Variants in ANO3 observed in about 807,000 individuals in gnomAD.
ANO3 encodes the protein anoctamin 3.
ANO3 carries 99 observed loss-of-function variants against 144.8 expected under a neutral mutation model. The observed-to-expected ratio is 0.68, with a 90% CI of 0.58 to 0.81. The LOEUF is 0.81. Among genes scored for constraint, ANO3 ranks in the 30% least tolerant of loss-of-function variants. The probability of loss-of-function intolerance (pLI) is 0.00; values close to 1 mark genes in which losing one functional copy is unlikely to be tolerated. For synonymous variants in ANO3, 414 were observed against 392.6 expected (o/e 1.05, Z -0.64); for missense variants, 905 against 1,202.2 (o/e 0.75, Z 3.66).
intron 1 of ANO3, among the ~76,000 whole-genome samples, chr11:26,267,462 A>G (rs974042130): frequency 1.1e-4 from 16 of 152,218 alleles, no homozygotes; most frequent in African/African-American, 3.6e-4. Context: ...ATAATAAGGA[A>G]AATACATTTT....
chr11:26,526,630 T>A (rs1297742369), intron 7 of ANO3, among the ~76,000 whole-genome samples: 2 of 152,100 alleles, frequency 1.3e-5, no homozygotes, highest in Non-Finnish European at 2.9e-5. Flanking sequence ...AATGGGAAAA[T>A]GTCCATCTGT....
intron 6 of ANO3, 54 bp from the exon 7 acceptor site, chr11:26,525,581 G>C: frequency 7.1e-7 from 1 of 1,407,504 alleles, no homozygotes; most frequent in Non-Finnish European, 1.0e-6. Context: ...TCACTCACTC[G>C]TATCACTTTA....
Position 26,245,266 on chromosome 11 carries a change from A to G in ANO3, c.154+55936A>G, listed in dbSNP as rs1852764686. ...GTCAGAATTTGAAAGTGATGTCCAC[A>G]TTCTTCTTTGCAAAGGCATTCTTCC... On this transcript the variant is annotated intron_variant, in intron 1 of 27. Coordinates refer to the ANO3 transcript ENST00000672621. Among the ~76,000 whole-genome samples the G allele has an allele frequency of 2.0e-5, 3 of 152,314 alleles. No homozygotes were observed. The South Asian group carries it at 6.2e-4, about 32-fold the overall frequency.
intron 1 of ANO3, among the ~76,000 whole-genome samples, chr11:26,249,089 C>T (rs777901227): frequency 1.3e-5 from 2 of 152,072 alleles, no homozygotes; most frequent in Admixed American, 6.5e-5. Flanking sequence ...GTAACTATAA[C>T]AAGCAAAGAC....
chr11:26,408,627 A>G (rs942190951), intron 1 of ANO3, among the ~76,000 whole-genome samples: 2 of 149,166 alleles, frequency 1.3e-5, no homozygotes, highest in South Asian at 2.2e-4. Flanking sequence ...ATTACTGGGT[A>G]TATGCCCAAA....
At chr11:26,525,464 A>G (rs965755147) in intron 6 of ANO3, among the ~76,000 whole-genome samples, 171 bp from the exon 7 acceptor site, 1 of 152,058 alleles carries the variant, frequency 6.6e-6, no homozygotes, top group African/African-American at 2.4e-5. Flanking sequence ...AATTAAAACA[A>G]TGTAAGGTTG....
chr11:26,401,770 A>C (rs1470595263), intron 1 of ANO3, among the ~76,000 whole-genome samples: 1 of 151,974 alleles, frequency 6.6e-6, no homozygotes, highest in Non-Finnish European at 1.5e-5. Flanking sequence ...CCAGCCACTT[A>C]GGTGGCTGAG....
intron 1 of ANO3, among the ~76,000 whole-genome samples, chr11:26,416,794 G>C (rs912019386): frequency 6.6e-6 from 1 of 151,970 alleles, no homozygotes; most frequent in African/African-American, 2.4e-5. Context: ...AGCAAATCTA[G>C]TGGCCTCCTA....
intron 1 of ANO3, among the ~76,000 whole-genome samples, chr11:26,314,031 C>T (rs967998748): frequency 6.6e-6 from 1 of 151,716 alleles, no homozygotes; most frequent in South Asian, 2.1e-4. Flanking sequence ...CATGTTTGTC[C>T]CTAGAGAGGA....
intron 1 of ANO3, among the ~76,000 whole-genome samples, chr11:26,385,589 C>A (rs938874643): frequency 6.6e-6 from 1 of 152,042 alleles, no homozygotes; most frequent in Non-Finnish European, 1.5e-5. Context: ...AATGTCTAAC[C>A]TCTGCTTCCA....
intron 1 of ANO3, among the ~76,000 whole-genome samples, chr11:26,239,336 C>G (rs540862913): frequency 7.2e-5 from 11 of 152,196 alleles, no homozygotes; most frequent in African/African-American, 1.9e-4. Flanking sequence ...GAGAAAGAAG[C>G]AGGCCTAATT....
intron 8 of ANO3, among the ~76,000 whole-genome samples, chr11:26,532,809 C>A (rs897475764): frequency 6.6e-6 from 1 of 151,960 alleles, no homozygotes; most frequent in African/African-American, 2.4e-5. Context: ...ACCTAAAGTG[C>A]CCTTGTCCCA....
intron 14 of ANO3, among the ~76,000 whole-genome samples, chr11:26,571,030 C>T (rs1472889732): frequency 6.6e-6 from 1 of 151,960 alleles, no homozygotes; most frequent in East Asian, 1.9e-4. Context: ...AAACAAATTT[C>T]AGAAGTTTGA....
Position 26,235,767 on chromosome 11 carries a change from G to C in ANO3, c.154+46437G>C, listed in dbSNP as rs79682209. Among the ~76,000 whole-genome samples the C allele has an allele frequency of 3.2e-3, 469 of 147,120 alleles. 6 individuals carry two copies. The highest frequency in any genetic ancestry group is 9.8e-3 in the African/African-American group (402 of 41,084). Reference sequence around the variant, plus strand: ...TTGTTTCTATTTTAGACCATTTTGTGTCGTCCCCCCACAACTACCACTCCT... The same window carrying C: ...TTGTTTCTATTTTAGACCATTTTGTCTCGTCCCCCCACAACTACCACTCCT... On this transcript the variant is annotated intron_variant, in intron 1 of 27. Coordinates refer to the ANO3 transcript ENST00000672621.
chr11:26,553,241 TTC>T lies in ANO3; in HGVS notation c.1290-5_1290-4del, dbSNP rs202169392. ...TTTGTTTTGTTTTTGTTTTTGTTTT[TTC>T]TCAAGCCAAGAAATTTGTAAAGCCA... On this transcript the variant is annotated splice_polypyrimidine_tract_variant and splice_region_variant and intron_variant, in intron 12 of 26. Transcript: ENST00000256737. 56,430 of 1,548,830 alleles carry T rather than the reference TTC, an allele frequency of 0.036. 2,171 individuals carry two copies. Among genetic ancestry groups the T allele is most frequent in the Non-Finnish European group, 0.044 (49,193 of 1,128,538 alleles).
chr11:26,634,195 TC>T lies in ANO3; in HGVS notation c.1874-7del, dbSNP rs746191473. 6.3e-7 allele frequency: 1 copy of T among 1,598,360 alleles called. No individual in the cohort carries two copies. The highest frequency in any genetic ancestry group is 1.1e-5 in the South Asian group (1 of 90,620). On this transcript the variant is annotated splice_polypyrimidine_tract_variant and splice_region_variant and intron_variant, in intron 18 of 26. Transcript: ENST00000256737. ...TCACCTGTGTCAATGCAACCTGTGT[TC>T]CTTTTAGAATATCCTCGAACAGAAT...
chr11:26,553,213 T>G (rs200666521), intron 12 of ANO3, 36 bp from the exon 13 acceptor site: 6 of 1,205,252 alleles, frequency 5.0e-6, no homozygotes, highest in African/African-American at 1.8e-5. Flanking sequence ...TTTCATGCTA[T>G]GTTTTGTTTT....
At chr11:26,331,765 G>C (rs1855048569), upstream of ANO3, 1 of 153,518 alleles carries the variant, frequency 6.5e-6, no homozygotes, top group East Asian at 1.9e-4. Context: ...TTAAATTTAA[G>C]AAAGAAAAAC....
At chr11:26,431,393 C>T (rs1465682141) in intron 1 of ANO3, among the ~76,000 whole-genome samples, 2 of 152,158 alleles carry the variant, frequency 1.3e-5, no homozygotes, top group Non-Finnish European at 2.9e-5. Context: ...GTGAGCAACA[C>T]CCAATAGGTA....
Sources: gnomAD v4.1 joint callset for allele counts (sites outside exome capture counted in the v4.1 genomes callset) on GRCh38, gnomAD v4.1.1 for gene constraint, MANE v1.5 for transcripts, NCBI Gene and HGNC (gene_info 2026-07-23, HGNC 2026-07-21) for gene names.